CTNNAL1: variants seen among roughly 807,000 people sequenced by gnomAD.
CTNNAL1 encodes the protein alpha-catulin.
CTNNAL1 carries 69 observed loss-of-function variants against 93.6 expected under a neutral mutation model. That is an observed-to-expected ratio of 0.74 (90% CI 0.61 to 0.90). The LOEUF is 0.90. Among genes scored for constraint, CTNNAL1 ranks in the 40% least tolerant of loss-of-function variants. CTNNAL1 has a pLI of 0.00. For synonymous variants in CTNNAL1, 286 were observed against 305.4 expected, an observed-to-expected ratio of 0.94 and a Z score of 0.66; for missense variants, 836 against 862.0, an observed-to-expected ratio of 0.97 and a Z score of 0.38.
rs752278305 is a variant in CTNNAL1 at position 108,955,838 on chromosome 9, C to G, written c.1592-11G>C. ...AGCCATACTTCTCTCCTACAAATAA[C>G]ACATATAACTTAAAAAATTTTTTCT... On this transcript the variant is annotated splice_polypyrimidine_tract_variant and intron_variant, in intron 11 of 18. Transcript: ENST00000325551. 6.4e-7 allele frequency: 1 copy of G among 1,565,890 alleles called. No individual in the cohort carries two copies. The highest frequency in any genetic ancestry group is 8.6e-7 in the Non-Finnish European group (1 of 1,157,878).
chr9:108,949,614 C>A (rs939835013), intron 14 of CTNNAL1, among the ~76,000 whole-genome samples: 34 of 151,996 alleles, frequency 2.2e-4, no homozygotes, highest in Admixed American at 2.2e-3. Context: ...GAGGCTGAGG[C>A]GGGCAGATCA....
Position 108,992,837 on chromosome 9 carries a change from G to A in CTNNAL1, c.332-18C>T, listed in dbSNP as rs1315004181. 3 of 1,595,434 alleles carry A rather than the reference G, an allele frequency of 1.9e-6. No individual in the cohort carries two copies. Among genetic ancestry groups the A allele is most frequent in the Admixed American group, 1.8e-5 (1 of 56,698 alleles). ...TGTTTCTCCTAACAAGAAAGACGAGGGGAGAAAGTTAAACAGGCATACAAA... is the reference window on the plus strand; with the variant it reads ...TGTTTCTCCTAACAAGAAAGACGAGAGGAGAAAGTTAAACAGGCATACAAA... On this transcript the variant is annotated intron_variant, in intron 2 of 18. Transcript: ENST00000325551.
rs1395028804 is a variant in CTNNAL1 at position 108,984,405 on chromosome 9, A to G, written c.671T>C (p.Met224Thr). 6.2e-7 allele frequency: 1 copy of G among 1,611,630 alleles called. No individual in the cohort carries two copies. The highest frequency in any genetic ancestry group is 8.5e-7 in the Non-Finnish European group (1 of 1,177,910). The change falls in exon 5 of 19, where the codon ATG (methionine) becomes ACG (threonine). Residue 224 changes from methionine (M) to threonine (T), a missense_variant. Transcript: ENST00000325551. ...DLKDEKKKAK[M>T]AAARAVLEKC... ...TTCAAGAACTGCCCTAGCTGCTGCC[A>G]TTTTTGCCTTTTTCTTTTCATCTTT... is the stretch of plus-strand genomic sequence containing the variant.
chr9:108,966,719 C>T (rs1830963116), intron 10 of CTNNAL1, among the ~76,000 whole-genome samples: 2 of 50,112 alleles, frequency 4.0e-5, no homozygotes, highest in South Asian at 1.3e-3. Flanking sequence ...TTAGCTACTA[C>T]ATGAATGAAT....
chr9:108,972,862 G>GCCCCCCCCCCCCC, intron 8 of CTNNAL1, 29 bp from the exon 9 acceptor site: 1 of 320,480 alleles, frequency 3.1e-6, no homozygotes, highest in Non-Finnish European at 5.4e-6. Flanking sequence ...GTGGGGGGGT[G>GCCCCCCCCCCCCC]GGAGGGTGGA....
chr9:108,986,037 A>G (rs1179622093), intron 4 of CTNNAL1, among the ~76,000 whole-genome samples: 1 of 150,752 alleles, frequency 6.6e-6, no homozygotes, highest in East Asian at 1.9e-4. Flanking sequence ...TTTTTTAATT[A>G]TTATTATACT....
chr9:108,986,699 G>A (rs2132163081), intron 4 of CTNNAL1, among the ~76,000 whole-genome samples: 1 of 152,028 alleles, frequency 6.6e-6, no homozygotes, highest in Non-Finnish European at 1.5e-5. Flanking sequence ...GTTGTTTCCT[G>A]ACTTTTTAAT....
intron 1 of CTNNAL1, 81 bp downstream of exon 1, chr9:109,013,221 C>G: frequency 7.2e-7 from 1 of 1,383,288 alleles, no homozygotes; most frequent in Non-Finnish European, 9.4e-7. Context: ...CGGCTGCCTC[C>G]CGTCCGGTCG....
intron 7 of CTNNAL1, 43 bp downstream of exon 7, chr9:108,979,238 G>A (rs778231585): frequency 3.7e-6 from 6 of 1,607,376 alleles, no homozygotes; most frequent in Non-Finnish European, 5.1e-6. Flanking sequence ...TTATGGGAAA[G>A]CCATTATATA....
At chr9:108,998,635 T>C (rs1019562448) in intron 2 of CTNNAL1, among the ~76,000 whole-genome samples, 2 of 152,224 alleles carry the variant, frequency 1.3e-5, no homozygotes, top group African/African-American at 2.4e-5. Context: ...CTCTAGGTTC[T>C]CAAAGGCTTC....
At chr9:108,988,584 T>A (rs1831686229) in intron 4 of CTNNAL1, among the ~76,000 whole-genome samples, 1 of 152,186 alleles carries the variant, frequency 6.6e-6, no homozygotes, top group Non-Finnish European at 1.5e-5. Flanking sequence ...TGGCTCCCCA[T>A]TTTACTTAAA....
chr9:108,991,945 T>G (rs1831821732), intron 3 of CTNNAL1: 1 of 669,854 alleles, frequency 1.5e-6, no homozygotes, highest in Non-Finnish European at 2.8e-6. Flanking sequence ...AGTTTAAATC[T>G]GTTCTGTAAG....
rs139141478 is a variant in CTNNAL1 at position 108,972,827 on chromosome 9, T to A, written c.1195A>T (p.Ser399Cys). 7.4e-7 allele frequency: 1 copy of A among 1,350,638 alleles called. No individual in the cohort carries two copies. Among genetic ancestry groups the A allele is most frequent in the Non-Finnish European group, 9.7e-7 (1 of 1,034,406 alleles). The allele number at this position is 1,350,638 out of a possible 1,614,324, so 83.7% of individuals were successfully genotyped here. ...SLNELKKELH[S>C]TATQLAADLL... ...TCTGCTGCCAGCTGTGTCGCTGTAC[T>A]ATGAAGCTGCAGATGTGTGTGTGGG... Residue 399 changes from serine (S) to cysteine (C), a missense_variant, in exon 9 of 19, where the codon AGT (serine) becomes TGT (cysteine). Coordinates refer to ENST00000325551, the MANE Select transcript of CTNNAL1 (RefSeq NM_003798.4).
intron 1 of CTNNAL1, among the ~76,000 whole-genome samples, chr9:109,000,107 T>G (rs28361105): frequency 1.3e-4 from 20 of 152,226 alleles, no homozygotes; most frequent in Admixed American, 3.3e-4. Flanking sequence ...GCACTTTATA[T>G]GTATGTTTAG....
intron 1 of CTNNAL1, among the ~76,000 whole-genome samples, chr9:109,000,944 C>G (rs1391497381): frequency 6.7e-6 from 1 of 149,472 alleles, no homozygotes; most frequent in Non-Finnish European, 1.5e-5. Context: ...AGGCGGATCA[C>G]AAGGTCAGGA....
chr9:108,970,723 C>G (rs573985126), intron 9 of CTNNAL1, among the ~76,000 whole-genome samples: 1 of 152,202 alleles, frequency 6.6e-6, no homozygotes, highest in Admixed American at 6.5e-5. Context: ...TACTTCCTAT[C>G]CAATCATGGC....
chr9:108,972,422 G>T (rs28361142), intron 9 of CTNNAL1, among the ~76,000 whole-genome samples: 2,722 of 152,226 alleles, frequency 0.018, 32 homozygotes, highest in Non-Finnish European at 0.025. Context: ...CTACTCCAAG[G>T]TCTAACTTCT....
intron 11 of CTNNAL1, 39 bp from the exon 12 acceptor site, chr9:108,955,866 T>G: frequency 2.3e-6 from 3 of 1,318,856 alleles, no homozygotes; most frequent in Non-Finnish European, 3.1e-6. Context: ...TTTTTTCTAT[T>G]AATATATTTT....
intron 6 of CTNNAL1, among the ~76,000 whole-genome samples, chr9:108,980,589 T>C (rs1183581175): frequency 1.3e-5 from 2 of 152,192 alleles, no homozygotes; most frequent in Non-Finnish European, 2.9e-5. Context: ...CCTCCTGCTC[T>C]TGGCCCAAGT....
Sources: gnomAD v4.1 joint callset for allele counts (sites outside exome capture counted in the v4.1 genomes callset) on GRCh38, gnomAD v4.1.1 for gene constraint, MANE v1.5 for transcripts, NCBI Gene and HGNC (gene_info 2026-07-23, HGNC 2026-07-21) for gene names.